Variants in CDH18 observed in about 807,000 individuals in gnomAD.
CDH18 encodes the protein cadherin 18.
Under a neutral mutation model 67.9 loss-of-function variants are expected in CDH18, and 31 were observed. The observed-to-expected ratio is 0.46, with a 90% CI of 0.34 to 0.62. The LOEUF (loss-of-function observed/expected upper bound fraction) is 0.62. Ranked by LOEUF, CDH18 falls within the 20% of genes least tolerant of loss-of-function variation. CDH18 has a pLI of 0.01. For missense variants in CDH18, 890 were observed against 975.5 expected, an observed-to-expected ratio of 0.91 and a Z score of 1.17; for synonymous variants, 362 against 347.2, an observed-to-expected ratio of 1.04 and a Z score of -0.48.
chr5:19,676,363 T>G (rs1312197286), intron 5 of CDH18, among the ~76,000 whole-genome samples: 1 of 151,950 alleles, frequency 6.6e-6, no homozygotes, highest in African/African-American at 2.4e-5. Context: ...AGATACTATA[T>G]AAGATGACTG....
At position 19,562,119 on chromosome 5, in the gene CDH18, T is replaced by C. The variant is rs1739563970; in HGVS notation, c.1253+9460A>G. On this transcript the variant is annotated intron_variant, in intron 8 of 12. Transcript: ENST00000382275. Reference sequence around the variant, plus strand: ...CTGAGGATTGCCATGAAGAGAACACTGAAATAATTTTATGTTATCAATAAG... The same window carrying C: ...CTGAGGATTGCCATGAAGAGAACACCGAAATAATTTTATGTTATCAATAAG... Among the ~76,000 whole-genome samples, 3 of 152,302 alleles carry C rather than the reference T, an allele frequency of 2.0e-5. No homozygotes were observed. In the South Asian group the frequency reaches 6.2e-4, roughly 32 times the overall value.
At chr5:20,087,953 C>T (rs1304997937) in intron 2 of CDH18, among the ~76,000 whole-genome samples, 1 of 152,070 alleles carries the variant, frequency 6.6e-6, no homozygotes, top group African/African-American at 2.4e-5. Context: ...GATTATGATG[C>T]AGAAAGATAT....
chr5:20,123,108 T>C (rs1034452833), intron 2 of CDH18, among the ~76,000 whole-genome samples: 1 of 150,842 alleles, frequency 6.6e-6, no homozygotes, highest in Non-Finnish European at 1.5e-5. Context: ...TTGTATTTTA[T>C]ATAATTTTGG....
chr5:19,553,752 C>A (rs1209237454), intron 8 of CDH18, among the ~76,000 whole-genome samples: 1 of 151,394 alleles, frequency 6.6e-6, no homozygotes, highest in African/African-American at 2.4e-5. Flanking sequence ...GTGATCCTCC[C>A]AACTCAGCCT....
intron 11 of CDH18, among the ~76,000 whole-genome samples, chr5:19,490,414 T>G (rs1254064930): frequency 1.6e-4 from 21 of 128,400 alleles, no homozygotes; most frequent in Non-Finnish European, 2.8e-4. Context: ...TTTTTTTTTT[T>G]TTTTTTTTTT....
chr5:19,638,657 G>A (rs7703090), intron 5 of CDH18, among the ~76,000 whole-genome samples: 2 of 149,000 alleles, frequency 1.3e-5, no homozygotes, highest in African/African-American at 2.5e-5. Flanking sequence ...TTCCCCCCCC[G>A]CGCCCCACAT....
At chr5:20,001,616 T>C (rs915906467) in intron 2 of CDH18, among the ~76,000 whole-genome samples, 1 of 152,162 alleles carries the variant, frequency 6.6e-6, no homozygotes, top group African/African-American at 2.4e-5. Context: ...TTAGATAAAA[T>C]GGGATTTCAT....
chr5:19,664,737 T>C (rs553803248), intron 5 of CDH18, among the ~76,000 whole-genome samples: 9 of 152,118 alleles, frequency 5.9e-5, no homozygotes, highest in Non-Finnish European at 8.8e-5. Context: ...GATAAAATTC[T>C]ATGCCCCTCA....
chr5:20,269,907 C>G (rs1012723115), intron 1 of CDH18, among the ~76,000 whole-genome samples: 4 of 151,740 alleles, frequency 2.6e-5, no homozygotes, highest in Non-Finnish European at 4.4e-5. Context: ...GTACAGAATT[C>G]AAAAATAAAG....
chr5:20,462,784 T>C (rs1005033306), intron 1 of CDH18, among the ~76,000 whole-genome samples: 5 of 152,286 alleles, frequency 3.3e-5, no homozygotes, highest in Non-Finnish European at 5.9e-5. Flanking sequence ...AAATCTGAGA[T>C]AGAAGAAGGG....
intron 3 of CDH18, among the ~76,000 whole-genome samples, chr5:19,796,789 G>A (rs1776903902): frequency 6.6e-6 from 1 of 151,976 alleles, no homozygotes; most frequent in Non-Finnish European, 1.5e-5. Context: ...TGGAAGTGAA[G>A]CTTTCACACT....
intron 1 of CDH18, among the ~76,000 whole-genome samples, chr5:20,319,315 G>C (rs1737772895): frequency 6.6e-6 from 1 of 152,008 alleles, no homozygotes; most frequent in South Asian, 2.1e-4. Context: ...ACCAAATTAT[G>C]AGTTTTTTCC....
At position 20,152,739 on chromosome 5, in the gene CDH18, C is replaced by A. The variant is rs765529612; in HGVS notation, c.-518+102705G>T. Among the ~76,000 whole-genome samples, 3 of 151,956 alleles carry A rather than the reference C, an allele frequency of 2.0e-5. 1 individual carries two copies. The South Asian group carries it at 6.2e-4, about 32-fold the overall frequency. ...AATTAGTGCTGAATTGACATCACCA[C>A]GATGCTAGAGTCAACTTAGTTGGAG... On this transcript the variant is annotated intron_variant, in intron 2 of 14. Coordinates refer to the CDH18 transcript ENST00000507958.
chr5:20,161,389 T>A lies in CDH18; in HGVS notation c.-518+94055A>T, dbSNP rs149900696. Among the ~76,000 whole-genome samples, 544 of 152,306 alleles carry A rather than the reference T, an allele frequency of 3.6e-3. 3 individuals carry two copies. The highest frequency in any genetic ancestry group is 4.8e-3 in the Non-Finnish European group (329 of 68,034). On this transcript the variant is annotated intron_variant, in intron 2 of 14. Transcript: ENST00000507958. ...GGAGCATTCCTACAAACAAACTTCA[T>A]GTCTTAGTGCTCACCATACACTTGC...
At chr5:19,589,564 T>C (rs1361881539) in intron 7 of CDH18, among the ~76,000 whole-genome samples, 1 of 152,114 alleles carries the variant, frequency 6.6e-6, no homozygotes, top group Non-Finnish European at 1.5e-5. Flanking sequence ...CAGAAAAAAA[T>C]GCTAGATGTT....
chr5:20,335,656 G>A (rs920049706), intron 1 of CDH18, among the ~76,000 whole-genome samples: 3 of 152,120 alleles, frequency 2.0e-5, no homozygotes, highest in Admixed American at 2.0e-4. Context: ...ATTATTTTCA[G>A]AGTCTTATCA....
intron 2 of CDH18, among the ~76,000 whole-genome samples, chr5:19,891,244 ATTTT>A (rs1302834516): frequency 6.6e-6 from 1 of 152,104 alleles, no homozygotes. Flanking sequence ...AAATGTGCTG[ATTTT>A]ATAGTTTCAC....
chr5:20,419,108 C>T (rs1019508247), intron 1 of CDH18, among the ~76,000 whole-genome samples: 2 of 151,906 alleles, frequency 1.3e-5, no homozygotes, highest in East Asian at 1.9e-4. Flanking sequence ...GGGGACTTTC[C>T]GGTGCTATTC....
chr5:19,583,229 T>G (rs9292680), intron 7 of CDH18, among the ~76,000 whole-genome samples: 15,611 of 152,050 alleles, frequency 0.1, 1,038 homozygotes, highest in African/African-American at 0.18. Flanking sequence ...TTGAAAAGTC[T>G]TATCCTATCA....
Sources: gnomAD v4.1 joint callset for allele counts (sites outside exome capture counted in the v4.1 genomes callset) on GRCh38, gnomAD v4.1.1 for gene constraint, MANE v1.5 for transcripts, NCBI Gene and HGNC (gene_info 2026-07-23, HGNC 2026-07-21) for gene names.